Variants in TMEM132D observed in about 807,000 individuals in gnomAD.
TMEM132D encodes transmembrane protein 132D.
Under a neutral mutation model 62.3 loss-of-function variants are expected in TMEM132D, and 21 were observed. The ratio of observed to expected loss-of-function variants is 0.34; its 90% CI spans 0.24 to 0.49. The LOEUF is 0.49. Among genes scored for constraint, TMEM132D ranks in the 20% least tolerant of loss-of-function variants. The pLI is 0.99. For synonymous variants in TMEM132D, 621 were observed against 575.6 expected (o/e 1.08, Z -1.13); for missense variants, 1,346 against 1,402.8 (o/e 0.96, Z 0.65).
chr12:129,614,527 G>A (rs1435683778), intron 2 of TMEM132D, among the ~76,000 whole-genome samples: 1 of 152,214 alleles, frequency 6.6e-6, no homozygotes. Context: ...AAACAGTTCT[G>A]TCTGGAGTTT....
intron 1 of TMEM132D, among the ~76,000 whole-genome samples, chr12:129,766,029 G>A (rs1289854067): frequency 1.3e-5 from 2 of 152,150 alleles, no homozygotes; most frequent in African/African-American, 4.8e-5. Context: ...ACAATGAGGC[G>A]GAGGCAGAAG....
intron 4 of TMEM132D, among the ~76,000 whole-genome samples, chr12:129,273,272 A>C (rs60858453): frequency 0.022 from 3,296 of 151,846 alleles, 211 homozygotes; most frequent in African/African-American, 0.075. Flanking sequence ...GAGAAAATAA[A>C]ATGCTTATTC....
intron 3 of TMEM132D, among the ~76,000 whole-genome samples, chr12:129,357,292 A>G (rs1226381265): frequency 6.7e-6 from 1 of 148,396 alleles, no homozygotes; most frequent in African/African-American, 2.5e-5. Flanking sequence ...GAGGAAGGAG[A>G]AAGAAAGAAA....
At chr12:129,887,466 G>A (rs968044687) in intron 1 of TMEM132D, among the ~76,000 whole-genome samples, 2 of 152,068 alleles carry the variant, frequency 1.3e-5, no homozygotes, top group Admixed American at 6.5e-5. Flanking sequence ...TGACATCAAA[G>A]TACATAAAGA....
chr12:129,403,065 C>G (rs1041324299), intron 3 of TMEM132D, among the ~76,000 whole-genome samples: 1 of 152,028 alleles, frequency 6.6e-6, no homozygotes. Context: ...GTGGCAGGCA[C>G]TTTGCAAATT....
chr12:129,403,065 C>T (rs1041324299), intron 3 of TMEM132D, among the ~76,000 whole-genome samples: 12 of 152,146 alleles, frequency 7.9e-5, no homozygotes, highest in African/African-American at 2.7e-4. Flanking sequence ...GTGGCAGGCA[C>T]TTTGCAAATT....
chr12:129,900,271 A>ACTGT (rs1397625144), intron 1 of TMEM132D, among the ~76,000 whole-genome samples: 1 of 152,216 alleles, frequency 6.6e-6, no homozygotes. Flanking sequence ...AAGTGCCTAA[A>ACTGT]CTGTCTGGGG....
chr12:129,383,183 C>T (rs1391870694), intron 3 of TMEM132D, among the ~76,000 whole-genome samples: 4 of 152,184 alleles, frequency 2.6e-5, no homozygotes, highest in Non-Finnish European at 5.9e-5. Flanking sequence ...GATGTGCTGC[C>T]TCTCTCCACA....
chr12:129,739,078 G>A (rs965680291), intron 1 of TMEM132D, among the ~76,000 whole-genome samples: 3 of 152,178 alleles, frequency 2.0e-5, no homozygotes, highest in African/African-American at 7.2e-5. Flanking sequence ...CAGCCCAAGG[G>A]CAGTGTTTTT....
chr12:129,359,711 T>G (rs571955908), intron 3 of TMEM132D, among the ~76,000 whole-genome samples: 1 of 152,302 alleles, frequency 6.6e-6, no homozygotes, highest in South Asian at 2.1e-4. Context: ...TACTTCAATA[T>G]GAAATGCTTC....
At chr12:129,593,368 T>C (rs915476624) in intron 2 of TMEM132D, among the ~76,000 whole-genome samples, 3 of 152,190 alleles carry the variant, frequency 2.0e-5, no homozygotes, top group Admixed American at 6.5e-5. Flanking sequence ...GATATTTTAT[T>C]GTACTATACA....
chr12:129,635,055 T>C (rs1879441859), intron 2 of TMEM132D, among the ~76,000 whole-genome samples: 1 of 152,176 alleles, frequency 6.6e-6, no homozygotes, highest in South Asian at 2.1e-4. Context: ...CCTACATCAT[T>C]AGCATATATG....
At chr12:129,500,686 G>A (rs1027171115) in intron 3 of TMEM132D, among the ~76,000 whole-genome samples, 5 of 152,096 alleles carry the variant, frequency 3.3e-5, no homozygotes, top group East Asian at 1.9e-4. Flanking sequence ...TCCTTCCCCC[G>A]TCCAAATGGA....
Position 129,583,689 on chromosome 12 carries a change from G to A in TMEM132D, c.969-52484C>T, listed in dbSNP as rs140236563. Among the ~76,000 whole-genome samples, 625 of 152,290 alleles carry A rather than the reference G, an allele frequency of 4.1e-3. 3 individuals carry two copies. The highest frequency in any genetic ancestry group is 0.014 in the African/African-American group (580 of 41,542). Reference sequence around the variant, plus strand: ...GAGGATAGAGAAAGACCCGTGGGGGGTGAGCTTGCCTTAGACAGAGGAATG... The same window carrying A: ...GAGGATAGAGAAAGACCCGTGGGGGATGAGCTTGCCTTAGACAGAGGAATG... On this transcript the variant is annotated intron_variant, in intron 2 of 8. Transcript: ENST00000422113.
At chr12:129,846,592 C>A (rs77711401) in intron 1 of TMEM132D, among the ~76,000 whole-genome samples, 2 of 152,202 alleles carry the variant, frequency 1.3e-5, no homozygotes, top group Middle Eastern at 3.4e-3. Context: ...ATTTCCTTTA[C>A]GGCTGGACAT....
chr12:129,531,133 C>G lies in TMEM132D; in HGVS notation c.1041G>C (p.Glu347Asp). The G allele has an allele frequency of 2.5e-6, 4 of 1,614,032 alleles. No individual in the cohort carries two copies. Among genetic ancestry groups the G allele is most frequent in the Non-Finnish European group, 3.4e-6 (4 of 1,179,980 alleles). Residue 347 changes from glutamate to aspartate, a missense_variant, in exon 3 of 9, where the codon GAG becomes GAC. Glu to Asp is a conservative substitution (Grantham distance 45). Coordinates refer to ENST00000422113, the MANE Select transcript of TMEM132D (RefSeq NM_133448.3). ...ASSPSIWDVK[E>D]RTDYTGKYAP... Reference sequence around the variant, plus strand: ...CATACTTTCCAGTATAATCCGTGCGCTCCTTGACATCCCAAATGGAAGGGC... The same window carrying G: ...CATACTTTCCAGTATAATCCGTGCGGTCCTTGACATCCCAAATGGAAGGGC...
chr12:129,743,960 T>C (rs889627864), intron 1 of TMEM132D, among the ~76,000 whole-genome samples: 13 of 151,954 alleles, frequency 8.6e-5, no homozygotes, highest in Non-Finnish European at 1.6e-4. Flanking sequence ...AAAAAGCGTG[T>C]GCTGTTTCAA....
At chr12:129,757,632 A>G (rs1870213066) in intron 1 of TMEM132D, among the ~76,000 whole-genome samples, 1 of 152,132 alleles carries the variant, frequency 6.6e-6, no homozygotes, top group Non-Finnish European at 1.5e-5. Flanking sequence ...AAATCTGGAC[A>G]AATCCTCATG....
Position 129,073,781 on chromosome 12 carries a change from G to A in TMEM132D, c.*94C>T, listed in dbSNP as rs759711088. 8.5e-7 allele frequency: 1 copy of A among 1,174,364 alleles called. No individual in the cohort carries two copies. Among genetic ancestry groups the A allele is most frequent in the Non-Finnish European group, 1.2e-6 (1 of 828,716 alleles). The allele number at this position is 1,174,364 out of a possible 1,614,324, so 72.7% of individuals were successfully genotyped here. On this transcript the variant is annotated 3_prime_UTR_variant, in exon 9 of 9. Coordinates refer to ENST00000422113, the MANE Select transcript of TMEM132D (RefSeq NM_133448.3). The stretch of plus-strand genomic sequence containing the variant: ...GATAGTGTCATCCTTATTTTGTCCT[G>A]CTGCTTTGTTTCTCTTCCGGGGGCA...
Sources: allele counts gnomAD v4.1 joint callset (sites outside exome capture counted in the v4.1 genomes callset), GRCh38; gene constraint gnomAD v4.1.1; transcripts MANE v1.5; gene names NCBI Gene and HGNC (gene_info 2026-07-23, HGNC 2026-07-21).